Variants in IL1RAPL1 observed in about 807,000 individuals in gnomAD.
The protein encoded by IL1RAPL1 is interleukin 1 receptor accessory protein like 1, also known as interleukin-1 receptor accessory protein-like 1.
Under a neutral mutation model 48.4 loss-of-function variants are expected in IL1RAPL1, and 3 were observed. That is an observed-to-expected ratio of 0.06 (90% CI 0.03 to 0.16). The LOEUF is 0.16. Among genes scored for constraint, IL1RAPL1 ranks in the 10% least tolerant of loss-of-function variants. The pLI is 1.00. For missense variants in IL1RAPL1, 349 were observed against 530.6 expected (o/e 0.66, Z 3.36); for synonymous variants, 185 against 187.7 (o/e 0.99, Z 0.12).
intron 2 of IL1RAPL1, among the ~76,000 whole-genome samples, chrX:29,029,646 T>C (rs1271848160): frequency 2.7e-5 from 3 of 112,076 alleles, no homozygotes; most frequent in Non-Finnish European, 5.6e-5. Context: ...CATGACAGTC[T>C]TTTATCAGAT....
At chrX:29,903,590 A>AT (rs761517991) in intron 6 of IL1RAPL1, among the ~76,000 whole-genome samples, 77 of 111,351 alleles carry the variant, frequency 6.9e-4, no homozygotes, top group African/African-American at 2.4e-3. Context: ...AGAGACTCTG[A>AT]TCTCATAGTT....
chrX:28,623,691 G>A (rs1934308394), intron 1 of IL1RAPL1, among the ~76,000 whole-genome samples: 1 of 111,932 alleles, frequency 8.9e-6, no homozygotes, highest in Non-Finnish European at 1.9e-5. Context: ...ATCTGGCTTT[G>A]TGAAATTGAG....
intron 10 of IL1RAPL1, 143 bp from the exon 11 acceptor site, chrX:29,954,959 A>C: frequency 5.3e-6 from 3 of 565,860 alleles, no homozygotes; most frequent in Non-Finnish European, 8.9e-6. Context: ...GGGAAAAAAA[A>C]ATATTGCTGA....
chrX:29,377,356 C>T (rs1933637182), intron 3 of IL1RAPL1, among the ~76,000 whole-genome samples: 1 of 111,845 alleles, frequency 8.9e-6, no homozygotes, highest in South Asian at 3.7e-4. Context: ...AGCCTATTTA[C>T]ATTCGGGGTT....
At chrX:28,876,067 G>T (rs1922364655) in intron 2 of IL1RAPL1, among the ~76,000 whole-genome samples, 1 of 111,836 alleles carries the variant, frequency 8.9e-6, no homozygotes, top group African/African-American at 3.3e-5. Flanking sequence ...AGAAGAAGAT[G>T]CTGGCTTCAT....
At chrX:28,848,281 G>A (rs749069866) in intron 2 of IL1RAPL1, among the ~76,000 whole-genome samples, 1 of 111,182 alleles carries the variant, frequency 9.0e-6, no homozygotes, top group South Asian at 3.8e-4. Flanking sequence ...GTATACCTAT[G>A]TAACAAACCT....
chrX:29,417,963 A>G (rs1409138311), intron 5 of IL1RAPL1, among the ~76,000 whole-genome samples: 4 of 107,109 alleles, frequency 3.7e-5, no homozygotes, highest in Non-Finnish European at 7.7e-5. Flanking sequence ...TTACTTAAAT[A>G]TTTTGGTTTT....
At chrX:28,906,631 A>G (rs1923223033) in intron 2 of IL1RAPL1, among the ~76,000 whole-genome samples, 1 of 112,380 alleles carries the variant, frequency 8.9e-6, no homozygotes, top group Non-Finnish European at 1.9e-5. Context: ...GTATTTTTGG[A>G]AAAATTAATA....
chrX:29,898,429 T>C (rs1045358039), intron 6 of IL1RAPL1, among the ~76,000 whole-genome samples: 1 of 110,681 alleles, frequency 9.0e-6, no homozygotes, highest in Admixed American at 1.0e-4. Flanking sequence ...GACCATTAAA[T>C]GTGAGGAATT....
chrX:29,898,146 G>A (rs1257191941), intron 6 of IL1RAPL1, among the ~76,000 whole-genome samples: 1 of 112,056 alleles, frequency 8.9e-6, no homozygotes, highest in Non-Finnish European at 1.9e-5. Flanking sequence ...GAAGCATATC[G>A]TTTGACTAAA....
At chrX:29,406,221 C>A (rs756627054) in intron 5 of IL1RAPL1, among the ~76,000 whole-genome samples, 1 of 110,962 alleles carries the variant, frequency 9.0e-6, no homozygotes, top group South Asian at 3.8e-4. Context: ...AACCCTGTCT[C>A]TACTAAAAAT....
At chrX:29,150,861 G>A (rs1488027286) in intron 2 of IL1RAPL1, among the ~76,000 whole-genome samples, 28 of 105,654 alleles carry the variant, frequency 2.7e-4, no homozygotes, top group Non-Finnish European at 5.0e-4. Flanking sequence ...GGCGGAGGTT[G>A]CAGTGAGCTG....
At chrX:28,977,349 C>T (rs1417442806) in intron 2 of IL1RAPL1, among the ~76,000 whole-genome samples, 1 of 112,019 alleles carries the variant, frequency 8.9e-6, no homozygotes, top group East Asian at 2.8e-4. Flanking sequence ...CAAGGGCAAA[C>T]AAGGTTGTCT....
At chrX:29,331,997 TAAC>T (rs908862059) in intron 3 of IL1RAPL1, among the ~76,000 whole-genome samples, 1 of 109,272 alleles carries the variant, frequency 9.2e-6, no homozygotes, top group African/African-American at 3.3e-5. Context: ...TGCAATAAGT[TAAC>T]TATTATTATT....
At chrX:29,918,593 C>T (rs7883755) in intron 7 of IL1RAPL1, among the ~76,000 whole-genome samples, 25,219 of 109,165 alleles carry the variant, frequency 0.23, 2,692 homozygotes, top group African/African-American at 0.41. Context: ...TTTCCTGCTA[C>T]GTATTTTTAC....
chrX:29,947,457 AAG>A (rs1933233575), intron 9 of IL1RAPL1, among the ~76,000 whole-genome samples: 1 of 111,588 alleles, frequency 9.0e-6, no homozygotes, highest in African/African-American at 3.2e-5. Context: ...AAGATGAAGA[AAG>A]AGATCTCCTA....
intron 6 of IL1RAPL1, among the ~76,000 whole-genome samples, chrX:29,713,358 G>T (rs906870560): frequency 2.7e-5 from 3 of 111,529 alleles, no homozygotes; most frequent in African/African-American, 9.8e-5. Flanking sequence ...GACAAGACTT[G>T]ATTAAATTTT....
chrX:29,296,575 GA>G (rs778939490), intron 3 of IL1RAPL1, among the ~76,000 whole-genome samples: 2 of 106,582 alleles, frequency 1.9e-5, no homozygotes, highest in South Asian at 8.4e-4. Context: ...AAAGTATTAA[GA>G]AATGTTAATA....
chrX:29,027,731 C>T (rs1197404642), intron 2 of IL1RAPL1, among the ~76,000 whole-genome samples: 1 of 111,462 alleles, frequency 9.0e-6, no homozygotes, highest in Non-Finnish European at 1.9e-5. Flanking sequence ...TTTGGCCATT[C>T]TAATAGTTGT....
Sources: gnomAD v4.1 joint callset for allele counts (sites outside exome capture counted in the v4.1 genomes callset) on GRCh38, gnomAD v4.1.1 for gene constraint, MANE v1.5 for transcripts, NCBI Gene and HGNC (gene_info 2026-07-23, HGNC 2026-07-21) for gene names.